SFT2D2: variants seen among roughly 807,000 people sequenced by gnomAD.
SFT2D2 encodes SFT2 domain containing 2, also known as vesicle transport protein SFT2B.
In SFT2D2, 21 loss-of-function variants were observed where a neutral mutation model predicts 27.4. That is an observed-to-expected ratio of 0.77 (90% CI 0.54 to 1.10). The LOEUF is 1.10. Among genes scored for constraint, SFT2D2 ranks in the 50% least tolerant of loss-of-function variants. The pLI is 0.00. For missense variants in SFT2D2, 187 were observed against 194.2 expected (o/e 0.96, Z 0.22); for synonymous variants, 72 against 71.7 (o/e 1.00, Z -0.02).
rs1478675306 is a variant in SFT2D2, at chr1:168,246,621, C to T, written c.*4081C>T. 1.4e-6 allele frequency: 2 copies of T among 1,452,398 alleles called. No homozygotes were observed. Among genetic ancestry groups the T allele is most frequent in the African/African-American group, 2.8e-5 (2 of 71,722 alleles). The allele number at this position is 1,452,398 out of a possible 1,614,324, so 90.0% of individuals were successfully genotyped here. A position where few individuals can be genotyped will look rare whatever the true frequency, so the allele number is the denominator to read the frequency against. The stretch of plus-strand genomic sequence containing the variant: ...AATGACGCAATTTATCTACTGTGCC[C>T]TGGAAATCAAGCTCTTGGTCTCTTT... On this transcript the variant is annotated 3_prime_UTR_variant, in exon 8 of 8. Transcript: ENST00000271375.
intron 2 of SFT2D2, 69 bp from the exon 3 acceptor site, chr1:168,231,765 C>T (rs1414076634): frequency 4.6e-6 from 7 of 1,522,254 alleles, no homozygotes; most frequent in Non-Finnish European, 6.4e-6. Flanking sequence ...AGGGCTTCCT[C>T]TGGGAGCTCT....
Position 168,234,070 on chromosome 1 carries a change from C to A in SFT2D2, c.237-1031C>A, listed in dbSNP as rs566770530. The stretch of plus-strand genomic sequence containing the variant: ...ACAGTCTGCTTCATTTGTGATTACT[C>A]TTGCTAGCCATCTCTCAAGTTCATT... On this transcript the variant is annotated intron_variant, in intron 3 of 7. Transcript: ENST00000271375. Among the ~76,000 whole-genome samples, 5 of 152,280 alleles carry A rather than the reference C, an allele frequency of 3.3e-5. No homozygotes were observed. The East Asian group carries it at 9.7e-4, about 29-fold the overall frequency.
At chr1:168,231,463 T>G in intron 1 of SFT2D2, 51 bp from the exon 2 acceptor site, 2 of 1,460,296 alleles carry the variant, frequency 1.4e-6, no homozygotes, top group Non-Finnish European at 1.9e-6. Context: ...TGTGCTTGCT[T>G]TGTTTTTAGT....
chr1:168,226,440 C>G (rs1194727170), intron 1 of SFT2D2, among the ~76,000 whole-genome samples: 1 of 152,154 alleles, frequency 6.6e-6, no homozygotes, highest in Non-Finnish European at 1.5e-5. Context: ...CTGTCGGCCC[C>G]GGCCCCACCG....
intron 6 of SFT2D2, among the ~76,000 whole-genome samples, chr1:168,237,954 C>T (rs1647548121): frequency 6.6e-6 from 1 of 151,734 alleles, no homozygotes; most frequent in Non-Finnish European, 1.5e-5. Context: ...CCTATATACA[C>T]ACACCTTGCT....
rs570880563 is a variant in SFT2D2, at chr1:168,226,012, G to A, written c.-68G>A. 17 of 1,404,274 alleles carry A rather than the reference G, an allele frequency of 1.2e-5. No individual in the cohort carries two copies. In the African/African-American group the frequency reaches 1.8e-4, roughly 15 times the overall value. The allele number at this position is 1,404,274 out of a possible 1,614,324, so 87.0% of individuals were successfully genotyped here. ...CTGGGCGGCTGCCTAGCACCCGGAA[G>A]AGCCGTCAACTTAGCGAGCGCAACA... is the stretch of plus-strand genomic sequence containing the variant. On this transcript the variant is annotated 5_prime_UTR_variant, in exon 1 of 8. Coordinates refer to ENST00000271375, the MANE Select transcript of SFT2D2 (RefSeq NM_199344.3).
At chr1:168,240,174 CAAA>C (rs71299093) in intron 7 of SFT2D2, among the ~76,000 whole-genome samples, 16 of 103,178 alleles carry the variant, frequency 1.6e-4, no homozygotes, top group Admixed American at 2.9e-4. Context: ...GACTCTGTCT[CAAA>C]AAAAAAAAAA....
intron 3 of SFT2D2, 22 bp from the exon 4 acceptor site, chr1:168,235,079 T>C (rs1647454724): frequency 6.2e-7 from 1 of 1,612,382 alleles, no homozygotes; most frequent in Non-Finnish European, 8.5e-7. Context: ...GAACGGCTTG[T>C]GTGCGTGTGT....
At chr1:168,236,567 A>C (rs769068817) in intron 4 of SFT2D2, 22 bp from the exon 5 acceptor site, 2 of 1,606,588 alleles carry the variant, frequency 1.2e-6, no homozygotes, top group Admixed American at 1.7e-5. Flanking sequence ...GTCATTAATT[A>C]ATGTTTCCTT....
At chr1:168,230,107 C>G (rs1208214607) in intron 1 of SFT2D2, among the ~76,000 whole-genome samples, 2 of 152,208 alleles carry the variant, frequency 1.3e-5, no homozygotes, top group Non-Finnish European at 2.9e-5. Context: ...ACGTGCCACA[C>G]CTGAGGGGAG....
chr1:168,228,303 G>A (rs952588516), intron 1 of SFT2D2, among the ~76,000 whole-genome samples: 3 of 152,170 alleles, frequency 2.0e-5, no homozygotes, highest in Admixed American at 1.3e-4. Flanking sequence ...GGATTCTGTG[G>A]GGAAATTGCT....
rs1243566494 is a variant in SFT2D2 at position 168,249,674 on chromosome 1, A to C, written c.*7134A>C. The C allele has an allele frequency of 6.6e-6, 1 of 152,650 alleles. No individual in the cohort carries two copies. The highest frequency in any genetic ancestry group is 2.4e-5 in the African/African-American group (1 of 41,450). The allele number at this position is 152,650 out of a possible 1,614,324, so 9.5% of individuals were successfully genotyped here. A position where few individuals can be genotyped will look rare whatever the true frequency, so the allele number is the denominator to read the frequency against. ...ATCTGGCTGTGAGCTGTGACTAGTCATATACTAGTTGTGTCATTTTGAACA... is the reference window on the plus strand; with the variant it reads ...ATCTGGCTGTGAGCTGTGACTAGTCCTATACTAGTTGTGTCATTTTGAACA... On this transcript the variant is annotated 3_prime_UTR_variant, in exon 8 of 8. Transcript: ENST00000271375.
chr1:168,251,729 A>G lies in SFT2D2; in HGVS notation c.*9189A>G, dbSNP rs1647957398. On this transcript the variant is annotated 3_prime_UTR_variant, in exon 8 of 8. Transcript: ENST00000271375. Reference sequence around the variant, plus strand: ...AATTTAAAAATCTTAAGTTTTTTTTAGTAAGCTTAAGATGTCCAGTAGTTT... The same window carrying G: ...AATTTAAAAATCTTAAGTTTTTTTTGGTAAGCTTAAGATGTCCAGTAGTTT... 6.6e-6 allele frequency: 1 copy of G among 151,132 alleles called. No homozygotes were observed. The highest frequency in any genetic ancestry group is 1.5e-5 in the Non-Finnish European group (1 of 67,832). 9.4% of individuals were successfully genotyped at this position (151,132 alleles called of 1,614,324 possible).
rs1324478114 is a variant in SFT2D2, at chr1:168,243,266, T to A, written c.*726T>A. On this transcript the variant is annotated 3_prime_UTR_variant, in exon 8 of 8. Coordinates refer to ENST00000271375, the MANE Select transcript of SFT2D2 (RefSeq NM_199344.3). ...TTCTTTATGACCTCCTGGCACTAGA[T>A]GGGGAAAGAACAGAGCAGCAGCAGA... 1 of 147,880 alleles carries A rather than the reference T, an allele frequency of 6.8e-6. No homozygotes were observed. Among genetic ancestry groups the A allele is most frequent in the African/African-American group, 2.5e-5 (1 of 40,162 alleles). 9.2% of individuals were successfully genotyped at this position (147,880 alleles called of 1,614,324 possible). A position where few individuals can be genotyped will look rare whatever the true frequency, so the allele number is the denominator to read the frequency against.
chr1:168,237,016 A>AT (rs2102331358), intron 6 of SFT2D2, among the ~76,000 whole-genome samples: 1 of 152,332 alleles, frequency 6.6e-6, no homozygotes, highest in South Asian at 2.1e-4. Context: ...CTGCTGTGGC[A>AT]TTTTTGCTGA....
Position 168,246,382 on chromosome 1 carries a change from C to G in SFT2D2, c.*3842C>G, listed in dbSNP as rs1179203028. ...CTTACTTGCTTTTCTGTGCATTTTT[C>G]TACTTTATCTTGGCCACTTGTGTAC... On this transcript the variant is annotated 3_prime_UTR_variant, in exon 8 of 8. Coordinates refer to ENST00000271375, the MANE Select transcript of SFT2D2 (RefSeq NM_199344.3). The G allele has an allele frequency of 4.8e-6, 3 of 625,832 alleles. No homozygotes were observed. The Admixed American group carries it at 1.1e-4, about 22-fold the overall frequency. The allele number at this position is 625,832 out of a possible 1,614,324, so 38.8% of individuals were successfully genotyped here.
At chr1:168,233,939 GT>G (rs1486153881) in intron 3 of SFT2D2, among the ~76,000 whole-genome samples, 68 of 152,336 alleles carry the variant, frequency 4.5e-4, no homozygotes, top group African/African-American at 1.5e-3. Context: ...TGTTCTCTTA[GT>G]TGGGACACTT....
intron 3 of SFT2D2, among the ~76,000 whole-genome samples, chr1:168,234,462 A>G (rs1365185202): frequency 6.6e-6 from 1 of 152,008 alleles, no homozygotes; most frequent in African/African-American, 2.4e-5. Flanking sequence ...GGAATCCAAT[A>G]GCTATAGAGT....
Position 168,231,857 on chromosome 1 carries a change from C to T in SFT2D2, c.174C>T (p.Pro58=), listed in dbSNP as rs767929254. ...AGGGTACTGTTCTGCTGTGGGTGCC[C>T]AGGAAGGGACTACACCTCTTCGCAG... The part of the protein sequence containing the change: ...SLLGTVLLWV[P]RKGLHLFAVF... The change falls in exon 3 of 8, where the codon CCC becomes CCT. Residue 58 remains proline, a synonymous_variant. Transcript: ENST00000271375. The T allele has an allele frequency of 1.2e-6, 2 of 1,614,090 alleles. No homozygotes were observed. The highest frequency in any genetic ancestry group is 3.3e-5 in the Admixed American group (2 of 60,006).
Sources: allele counts gnomAD v4.1 joint callset (sites outside exome capture counted in the v4.1 genomes callset), GRCh38; gene constraint gnomAD v4.1.1; transcripts MANE v1.5; gene names NCBI Gene and HGNC (gene_info 2026-07-23, HGNC 2026-07-21).